The following RORB variants were observed in gnomAD, a reference collection of about 807,000 sequenced individuals.
RORB encodes the protein nuclear receptor ROR-beta.
In RORB, 6 loss-of-function variants were observed where a neutral mutation model predicts 59.1. The ratio of observed to expected loss-of-function variants is 0.10; its 90% confidence interval spans 0.06 to 0.20. The LOEUF (loss-of-function observed/expected upper bound fraction) is 0.20, where lower values mean the gene tolerates loss of function less well. RORB is among the 10% of genes least tolerant of loss of function. RORB has a pLI of 1.00. For missense variants in RORB, 320 were observed against 560.5 expected (o/e 0.57, Z 4.33); for synonymous variants, 215 against 204.5 (o/e 1.05, Z -0.44).
intron 1 of RORB, among the ~76,000 whole-genome samples, chr9:74,521,669 A>G (rs891728073): frequency 3.7e-4 from 56 of 151,820 alleles, no homozygotes; most frequent in African/African-American, 1.3e-3. Flanking sequence ...AGCAAGTGAC[A>G]TGGATAAACT....
intron 4 of RORB, among the ~76,000 whole-genome samples, chr9:74,652,287 A>T (rs1203367960): frequency 6.6e-6 from 1 of 152,152 alleles, no homozygotes; most frequent in Non-Finnish European, 1.5e-5. Flanking sequence ...TCGTGCCTGT[A>T]GTCCCAGCTA....
chr9:74,532,829 T>C (rs1003795147), intron 1 of RORB, among the ~76,000 whole-genome samples: 4 of 135,132 alleles, frequency 3.0e-5, no homozygotes, highest in African/African-American at 8.2e-5. Flanking sequence ...TATATATGTG[T>C]ATATATATAC....
chr9:74,583,927 A>C (rs921070314), intron 1 of RORB, among the ~76,000 whole-genome samples: 1 of 152,200 alleles, frequency 6.6e-6, no homozygotes, highest in Non-Finnish European at 1.5e-5. Flanking sequence ...CAGACTGAGC[A>C]CTTTGATGGT....
chr9:74,645,078 T>C (rs1025455604), intron 4 of RORB, among the ~76,000 whole-genome samples: 1 of 152,188 alleles, frequency 6.6e-6, no homozygotes, highest in African/African-American at 2.4e-5. Flanking sequence ...TCTTTAAATA[T>C]GTTTCAAATT....
At chr9:74,610,574 T>A (rs1173889491) in intron 1 of RORB, among the ~76,000 whole-genome samples, 2 of 152,222 alleles carry the variant, frequency 1.3e-5, no homozygotes, top group African/African-American at 4.8e-5. Context: ...AATACCATCA[T>A]CTTGAGGGTA....
intron 1 of RORB, among the ~76,000 whole-genome samples, chr9:74,578,163 T>C (rs1822665823): frequency 6.6e-6 from 1 of 152,082 alleles, no homozygotes; most frequent in Non-Finnish European, 1.5e-5. Context: ...CTTGCTGTTT[T>C]TCTTTGTACT....
At chr9:74,604,606 T>C (rs181894814) in intron 1 of RORB, among the ~76,000 whole-genome samples, 1 of 152,352 alleles carries the variant, frequency 6.6e-6, no homozygotes, top group East Asian at 1.9e-4. Flanking sequence ...TAATTCAACA[T>C]TTATTTATCT....
At chr9:74,634,829 G>A (rs1037499306) in intron 3 of RORB, 57 bp downstream of exon 3, 2 of 1,517,482 alleles carry the variant, frequency 1.3e-6, no homozygotes, top group African/African-American at 2.8e-5. Context: ...TGCTTTGCTG[G>A]AGTCTATTTA....
At chr9:74,601,981 C>G (rs6560402) in intron 1 of RORB, among the ~76,000 whole-genome samples, 1 of 152,158 alleles carries the variant, frequency 6.6e-6, no homozygotes, top group African/African-American at 2.4e-5. Context: ...GCTTCTCACA[C>G]GGTCAGCAGA....
chr9:74,634,637 T>G lies in RORB; in HGVS notation c.100T>G (p.Phe34Val). 1 of 1,609,216 alleles carries G rather than the reference T, an allele frequency of 6.2e-7. No homozygotes were observed. Among genetic ancestry groups the G allele is most frequent in the Non-Finnish European group, 8.5e-7 (1 of 1,177,948 alleles). ...CTTCTCTTTTTCCCTCAAGGGATTC[T>G]TTAGGAGGAGCCAGCAGAACAATGC... is the stretch of plus-strand genomic sequence containing the variant. ...VITCEGCKGF[F>V]RRSQQNNASY... Residue 34 changes from phenylalanine to valine, a missense_variant, in exon 3 of 10, where the codon TTT (phenylalanine) becomes GTT (valine). Physicochemically the swap from Phe to Val is conservative, Grantham distance 50. This residue lies in a region of RORB where 37 missense variants were observed against 116.4 expected (regional missense o/e 0.32). Transcript: ENST00000376896.
intron 1 of RORB, among the ~76,000 whole-genome samples, chr9:74,561,192 C>A (rs532165397): frequency 3.3e-5 from 5 of 152,020 alleles, no homozygotes; most frequent in Admixed American, 2.0e-4. Flanking sequence ...TTCATTGAGT[C>A]TCTCCCCGAG....
chr9:74,684,608 T>A (rs1347561987), intron 9 of RORB, among the ~76,000 whole-genome samples: 1 of 152,184 alleles, frequency 6.6e-6, no homozygotes, highest in Non-Finnish European at 1.5e-5. Context: ...TAAAACACTG[T>A]CTTCTGGGTA....
intron 1 of RORB, among the ~76,000 whole-genome samples, chr9:74,593,524 A>C (rs1374099073): frequency 6.6e-6 from 1 of 151,944 alleles, no homozygotes; most frequent in African/African-American, 2.4e-5. Context: ...CAAAATAGGT[A>C]GCAAAGTTCA....
intron 1 of RORB, among the ~76,000 whole-genome samples, chr9:74,601,668 C>T (rs968308946): frequency 6.6e-6 from 1 of 152,142 alleles, no homozygotes; most frequent in African/African-American, 2.4e-5. Flanking sequence ...GGAAGGACTT[C>T]CTACCGTGGG....
chr9:74,566,777 C>A (rs1822476185), intron 1 of RORB, among the ~76,000 whole-genome samples: 1 of 152,152 alleles, frequency 6.6e-6, no homozygotes, highest in African/African-American at 2.4e-5. Context: ...AACCTGGAAA[C>A]AGGGCGAGAT....
At chr9:74,675,334 A>T (rs904762184) in intron 9 of RORB, among the ~76,000 whole-genome samples, 5 of 150,336 alleles carry the variant, frequency 3.3e-5, no homozygotes, top group Admixed American at 6.6e-5. Flanking sequence ...TATATATATA[A>T]AATAAATATA....
At chr9:74,586,700 C>A (rs966748421) in intron 1 of RORB, among the ~76,000 whole-genome samples, 2 of 150,834 alleles carry the variant, frequency 1.3e-5, no homozygotes, top group African/African-American at 4.9e-5. Flanking sequence ...TCCACATGGA[C>A]AAAGTTGGAA....
intron 4 of RORB, among the ~76,000 whole-genome samples, chr9:74,644,493 A>G (rs541571463): frequency 2.6e-5 from 4 of 152,290 alleles, no homozygotes; most frequent in South Asian, 4.1e-4. Context: ...CCAGAGTCCT[A>G]TAATTACTAA....
At chr9:74,573,464 T>TAAAA (rs5898361) in intron 1 of RORB, among the ~76,000 whole-genome samples, 6 of 131,862 alleles carry the variant, frequency 4.6e-5, no homozygotes, top group African/African-American at 8.4e-5. Flanking sequence ...CTTTTGTTAT[T>TAAAA]AAAAAAAAAA....
Sources: gnomAD v4.1 joint callset for allele counts (sites outside exome capture counted in the v4.1 genomes callset) on GRCh38, gnomAD v4.1.1 for gene constraint, gnomAD v4.1.1 regional missense constraint, MANE v1.5 for transcripts, NCBI Gene and HGNC (gene_info 2026-07-23, HGNC 2026-07-21) for gene names.